SNRPN: variants seen among roughly 807,000 people sequenced by gnomAD.
SNRPN encodes small nuclear ribonucleoprotein-associated protein N.
In SNRPN, 7 loss-of-function variants were observed where a neutral mutation model predicts 25.2. The ratio of observed to expected loss-of-function variants is 0.28; its 90% CI spans 0.16 to 0.52. The LOEUF (loss-of-function observed/expected upper bound fraction) is 0.52. SNRPN is among the 20% of genes least tolerant of loss of function. The probability of loss-of-function intolerance (pLI) is 0.96; values close to 1 mark genes in which losing one functional copy is unlikely to be tolerated. For synonymous variants in SNRPN, 124 were observed against 110.6 expected, an observed-to-expected ratio of 1.12 and a Z score of -0.76; for missense variants, 196 against 322.5, an observed-to-expected ratio of 0.61 and a Z score of 3.00.
intron 2 of SNRPN, chr15:24,910,864 G>T: frequency 1.7e-6 from 1 of 587,164 alleles, no homozygotes; most frequent in Non-Finnish European, 3.0e-6. Context: ...CTTGATTCAG[G>T]GTGCTTTTAG....
intron 3 of SNRPN, among the ~76,000 whole-genome samples, chr15:24,935,600 G>A (rs1003715279): frequency 1.3e-5 from 2 of 152,152 alleles, no homozygotes; most frequent in Non-Finnish European, 2.9e-5. Context: ...TCCTGCCCAC[G>A]CCAAGAAGTC....
intron 2 of SNRPN, among the ~76,000 whole-genome samples, chr15:24,899,424 T>C (rs1056740084): frequency 1.3e-5 from 2 of 152,204 alleles, no homozygotes; most frequent in African/African-American, 4.8e-5. Flanking sequence ...ATAGTAAGTT[T>C]TTTCAGTAAT....
At chr15:24,954,958 A>C (rs28408335), upstream of SNRPN, 190 of 1,580,600 alleles carry the variant, frequency 1.2e-4, no homozygotes, top group African/African-American at 2.2e-3. Flanking sequence ...GATGTGTGCG[A>C]AGCCTGCCGC....
At chr15:24,901,650 CTTTAG>C (rs1186792161) in intron 2 of SNRPN, among the ~76,000 whole-genome samples, 4 of 152,062 alleles carry the variant, frequency 2.6e-5, no homozygotes. Flanking sequence ...TACACATAAA[CTTTAG>C]TGAGTGGGCA....
chr15:24,927,726 C>G (rs1380820552), intron 3 of SNRPN, among the ~76,000 whole-genome samples: 1 of 151,954 alleles, frequency 6.6e-6, no homozygotes, highest in Non-Finnish European at 1.5e-5. Context: ...TGTTAAATAT[C>G]TTGTTTGGCA....
chr15:24,897,324 C>A (rs2058134879), intron 2 of SNRPN, among the ~76,000 whole-genome samples: 1 of 152,154 alleles, frequency 6.6e-6, no homozygotes, highest in Non-Finnish European at 1.5e-5. Flanking sequence ...TGGTGGCTCA[C>A]ACCTGTAATC....
At chr15:24,908,626 G>A (rs1049050269) in intron 2 of SNRPN, among the ~76,000 whole-genome samples, 2 of 152,084 alleles carry the variant, frequency 1.3e-5, no homozygotes, top group African/African-American at 4.8e-5. Context: ...GGGAAAGAAG[G>A]GAGTTTATTT....
intron 3 of SNRPN, among the ~76,000 whole-genome samples, chr15:24,969,630 CTCAGT>C (rs1243587951): frequency 1.3e-5 from 2 of 152,178 alleles, no homozygotes; most frequent in African/African-American, 2.4e-5. Flanking sequence ...TTTTTAGCTT[CTCAGT>C]TCAGTTCACA....
At chr15:24,886,816 T>G (rs2057239665) in intron 2 of SNRPN, among the ~76,000 whole-genome samples, 1 of 152,204 alleles carries the variant, frequency 6.6e-6, no homozygotes, top group Non-Finnish European at 1.5e-5. Flanking sequence ...TTCATTTTAG[T>G]TATTTCTCAG....
chr15:24,971,110 T>C (rs779421067), intron 3 of SNRPN, among the ~76,000 whole-genome samples: 1 of 152,202 alleles, frequency 6.6e-6, no homozygotes, highest in Non-Finnish European at 1.5e-5. Flanking sequence ...TACTTTTGAA[T>C]TAAAGTAGAT....
intron 2 of SNRPN, among the ~76,000 whole-genome samples, chr15:24,830,792 T>A (rs1302309093): frequency 6.6e-6 from 1 of 152,108 alleles, no homozygotes; most frequent in Non-Finnish European, 1.5e-5. Flanking sequence ...AGTGCATACA[T>A]TGTATTAGTC....
intron 2 of SNRPN, among the ~76,000 whole-genome samples, chr15:24,911,691 G>C (rs764210429): frequency 3.9e-5 from 6 of 152,202 alleles, no homozygotes; most frequent in Non-Finnish European, 7.3e-5. Context: ...TAATTTCCAA[G>C]GAAGCCTTGA....
At chr15:24,935,350 T>G (rs922610913) in intron 3 of SNRPN, among the ~76,000 whole-genome samples, 4 of 152,150 alleles carry the variant, frequency 2.6e-5, no homozygotes, top group African/African-American at 9.7e-5. Context: ...GTAGGGATTG[T>G]GCTTTGTGAA....
upstream of SNRPN, among the ~76,000 whole-genome samples, chr15:24,952,733 A>G (rs999075246): frequency 1.3e-5 from 2 of 152,180 alleles, no homozygotes; most frequent in Non-Finnish European, 2.9e-5. Flanking sequence ...ATATAATTTT[A>G]TTTAATTTTA....
chr15:24,859,418 T>G (rs1444888061), intron 1 of SNRPN, among the ~76,000 whole-genome samples: 1 of 152,134 alleles, frequency 6.6e-6, no homozygotes, highest in Non-Finnish European at 1.5e-5. Flanking sequence ...AAGGAAGCAT[T>G]CCTGCAGGAT....
intron 2 of SNRPN, chr15:24,829,988 T>C (rs2050385921): frequency 6.6e-6 from 1 of 152,106 alleles, no homozygotes; most frequent in Non-Finnish European, 1.5e-5. Flanking sequence ...GTGGTAGCAG[T>C]GGGTGTTGAT....
intron 2 of SNRPN, among the ~76,000 whole-genome samples, chr15:24,845,307 T>C (rs1044289757): frequency 2.6e-5 from 4 of 152,180 alleles, no homozygotes; most frequent in African/African-American, 9.7e-5. Context: ...TATATTAAAC[T>C]TGAAATAATG....
At chr15:24,878,399 G>A (rs1260296062) in intron 1 of SNRPN, among the ~76,000 whole-genome samples, 1 of 152,216 alleles carries the variant, frequency 6.6e-6, no homozygotes, top group Non-Finnish European at 1.5e-5. Flanking sequence ...GAGAACGGCA[G>A]CCCGCAGGGG....
At chr15:24,939,754 T>TG (rs1411585539) in intron 3 of SNRPN, among the ~76,000 whole-genome samples, 1 of 149,978 alleles carries the variant, frequency 6.7e-6, no homozygotes, top group Admixed American at 6.7e-5. Flanking sequence ...AAAATCAGGT[T>TG]TTTTTTTTTT....
Sources: gnomAD v4.1 joint callset for allele counts (sites outside exome capture counted in the v4.1 genomes callset) on GRCh38, gnomAD v4.1.1 for gene constraint, MANE v1.5 for transcripts, NCBI Gene and HGNC (gene_info 2026-07-23, HGNC 2026-07-21) for gene names.